Variants in ONECUT3 observed in about 807,000 individuals in gnomAD.
ONECUT3 encodes one cut homeobox 3, also known as one cut domain family member 3.
Under a neutral mutation model 16.8 loss-of-function variants are expected in ONECUT3, and 11 were observed. The observed-to-expected ratio is 0.66, with a 90% CI of 0.41 to 1.09. ONECUT3 has a LOEUF of 1.09. Among genes scored for constraint, ONECUT3 ranks in the 50% least tolerant of loss-of-function variants. The pLI is 0.00. For synonymous variants in ONECUT3, 344 were observed against 310.7 expected (o/e 1.11, Z -1.13); for missense variants, 637 against 629.9 (o/e 1.01, Z -0.12).
chr19:1,773,111 C>T lies in ONECUT3; in HGVS notation c.1193-2042C>T, dbSNP rs185119909. ...CCTCACTCTCTAATGGTCCCTTTTA[C>T]TTAACAGCATCCTGTACTTGTTTCA... On this transcript the variant is annotated intron_variant, in intron 1 of 1. Transcript: ENST00000382349. Among the ~76,000 whole-genome samples the T allele has an allele frequency of 1.6e-3, 248 of 152,168 alleles. 2 individuals carry two copies. The highest frequency in any genetic ancestry group is 4.8e-3 in the Admixed American group (73 of 15,278).
At chr19:1,773,727 T>G (rs1278897869) in intron 1 of ONECUT3, among the ~76,000 whole-genome samples, 2 of 152,144 alleles carry the variant, frequency 1.3e-5, no homozygotes, top group African/African-American at 4.8e-5. Flanking sequence ...ACAGTCCCAG[T>G]CTGGATGCAG....
In ONECUT3 at chr19:1,778,418, G is replaced by A. The variant is rs2068129453; in HGVS notation, c.*2973G>A. The A allele has an allele frequency of 6.6e-6, 1 of 152,154 alleles. No homozygotes were observed. The highest frequency in any genetic ancestry group is 1.5e-5 in the Non-Finnish European group (1 of 68,044). 9.4% of individuals were successfully genotyped at this position (152,154 alleles called of 1,614,324 possible). On this transcript the variant is annotated 3_prime_UTR_variant, in exon 2 of 2. Transcript: ENST00000382349. ...TTTAGTGGAGGAAGAGGCTCTCAAA[G>A]GCAATAAAATGCTTCTGATCCAAGA...
chr19:1,758,585 A>G lies in ONECUT3; in HGVS notation c.1192+3731A>G, dbSNP rs889958179. On this transcript the variant is annotated intron_variant, in intron 1 of 1. Transcript: ENST00000382349. This position sits in a 1 kb window ranked among gnomAD's most constrained non-coding sequence, Gnocchi z 5.9. ...TGGTGGGCCGAATTCTGGGTCTGAC[A>G]CTGTCAGATTCTGGACCCCGTCGTC... Among the ~76,000 whole-genome samples, 1 of 152,092 alleles carries G rather than the reference A, an allele frequency of 6.6e-6. No individual in the cohort carries two copies. Among genetic ancestry groups the G allele is most frequent in the African/African-American group, 2.4e-5 (1 of 41,412 alleles).
chr19:1,771,912 C>G (rs957590034), intron 1 of ONECUT3, among the ~76,000 whole-genome samples: 8 of 152,224 alleles, frequency 5.3e-5, no homozygotes, highest in African/African-American at 1.9e-4. Context: ...CTCTTGGGCT[C>G]AAGTGATCCT....
intron 1 of ONECUT3, among the ~76,000 whole-genome samples, chr19:1,771,063 C>G (rs2068049983): frequency 6.6e-6 from 1 of 152,222 alleles, no homozygotes; most frequent in African/African-American, 2.4e-5. Flanking sequence ...CTTTCCTGTA[C>G]AACTCTTTGG....
intron 1 of ONECUT3, among the ~76,000 whole-genome samples, chr19:1,757,217 A>C (rs1361760976): frequency 1.3e-5 from 2 of 151,932 alleles, no homozygotes; most frequent in East Asian, 3.9e-4. Flanking sequence ...CCTGCACCTG[A>C]CCCTGCACCC....
intron 1 of ONECUT3, among the ~76,000 whole-genome samples, chr19:1,770,416 G>T (rs534363952): frequency 6.6e-6 from 1 of 152,028 alleles, no homozygotes; most frequent in East Asian, 1.9e-4. Flanking sequence ...CAGCCTGGGC[G>T]ACACAGCAAG....
rs1600344529 is a variant in ONECUT3, at chr19:1,764,458, G to A, written c.1192+9604G>A. On this transcript the variant is annotated intron_variant, in intron 1 of 1. Transcript: ENST00000382349. This position sits in a 1 kb window ranked among gnomAD's most constrained non-coding sequence, Gnocchi z 5.0. ...TGGAGGGAGAGGGGTGGGGACAAGA[G>A]GGAGGCTGGGCGCCTGCTGAGGCCA... Among the ~76,000 whole-genome samples, 1 of 152,188 alleles carries A rather than the reference G, an allele frequency of 6.6e-6. No homozygotes were observed. Among genetic ancestry groups the A allele is most frequent in the African/African-American group, 2.4e-5 (1 of 41,444 alleles).
chr19:1,775,126 G>GGGCGCCCCCC, intron 1 of ONECUT3, 27 bp from the exon 2 acceptor site: 1 of 1,143,898 alleles, frequency 8.7e-7, no homozygotes, highest in Non-Finnish European at 1.2e-6. Context: ...TGTCCCGCTC[G>GGGCGCCCCCC]CCCGCCCGCC....
rs2067913539 is a variant in ONECUT3 at position 1,755,809 on chromosome 19, C to T, written c.1192+955C>T. Among the ~76,000 whole-genome samples the T allele has an allele frequency of 6.6e-6, 1 of 152,210 alleles. No individual in the cohort carries two copies. The highest frequency in any genetic ancestry group is 2.1e-4 in the South Asian group (1 of 4,826). On this transcript the variant is annotated intron_variant, in intron 1 of 1. Transcript: ENST00000382349. This position sits in a 1 kb window ranked among gnomAD's most constrained non-coding sequence, Gnocchi z 7.5. ...CTGGGGACCCTCCTCCCTCCTCCCT[C>T]CCAGCTGACAACAGCTAAGTCCACA... is the stretch of plus-strand genomic sequence containing the variant.
At position 1,762,643 on chromosome 19, in the gene ONECUT3, C is replaced by G. The variant is rs1028124200; in HGVS notation, c.1192+7789C>G. ...GCACGTGCCCCGGCGCCAGGAGACC[C>G]GGGACCCGGGACCACGCGCCCGCGG... On this transcript the variant is annotated intron_variant, in intron 1 of 1. Coordinates refer to ENST00000382349, the MANE Select transcript of ONECUT3 (RefSeq NM_001080488.2). The surrounding 1 kb of genome is among the most constrained non-coding windows in gnomAD (Gnocchi z 4.4). Among the ~76,000 whole-genome samples the G allele has an allele frequency of 7.9e-5, 12 of 152,258 alleles. No individual in the cohort carries two copies. Among genetic ancestry groups the G allele is most frequent in the African/African-American group, 1.9e-4 (8 of 41,466 alleles).
intron 1 of ONECUT3, among the ~76,000 whole-genome samples, chr19:1,768,161 ATTG>A (rs1208557393): frequency 6.6e-6 from 1 of 151,708 alleles, no homozygotes. Flanking sequence ...GAGCAGGTGA[ATTG>A]TTGTAAAAAG....
chr19:1,765,244 G>A (rs554339897), intron 1 of ONECUT3, among the ~76,000 whole-genome samples: 81 of 152,178 alleles, frequency 5.3e-4, no homozygotes, highest in Admixed American at 2.0e-3. Flanking sequence ...CATCCCTCCC[G>A]TCCTGGTGCC....
At chr19:1,770,479 A>G (rs777973939) in intron 1 of ONECUT3, among the ~76,000 whole-genome samples, 21 of 152,226 alleles carry the variant, frequency 1.4e-4, no homozygotes, top group Non-Finnish European at 1.8e-4. Flanking sequence ...GTGACCAGAT[A>G]CATATAAAGC....
intron 1 of ONECUT3, among the ~76,000 whole-genome samples, chr19:1,769,978 C>G (rs963103106): frequency 3.3e-5 from 5 of 152,150 alleles, no homozygotes; most frequent in Non-Finnish European, 5.9e-5. Context: ...CCTCCCTCCC[C>G]CATCTAGGCC....
chr19:1,779,097 C>G lies in ONECUT3; in HGVS notation c.*3652C>G, dbSNP rs967719920. On this transcript the variant is annotated 3_prime_UTR_variant, in exon 2 of 2. Transcript: ENST00000382349. ...ACACCTCCAGCACAATTCCTTCGAGCCTTTGACAATTTTCTCTGAAATACC... is the reference window on the plus strand; with the variant it reads ...ACACCTCCAGCACAATTCCTTCGAGGCTTTGACAATTTTCTCTGAAATACC... The G allele has an allele frequency of 6.6e-6, 1 of 152,068 alleles. No homozygotes were observed. Among genetic ancestry groups the G allele is most frequent in the Non-Finnish European group, 1.5e-5 (1 of 68,030 alleles). The allele number at this position is 152,068 out of a possible 1,614,324, so 9.4% of individuals were successfully genotyped here.
In ONECUT3 at chr19:1,764,051, C is replaced by T. The variant is rs1401126748; in HGVS notation, c.1192+9197C>T. 1.3e-5 allele frequency among the ~76,000 whole-genome samples: 2 copies of T among 152,174 alleles called. No individual in the cohort carries two copies. Among genetic ancestry groups the T allele is most frequent in the South Asian group, 2.1e-4 (1 of 4,810 alleles). On this transcript the variant is annotated intron_variant, in intron 1 of 1. Transcript: ENST00000382349. The surrounding 1 kb of genome is among the most constrained non-coding windows in gnomAD (Gnocchi z 5.0). ...CCTCCCCAGCCCCTTTCTGGGTGGC[C>T]GCTTCAGCCGCTTCTTATCACTGAT... is the stretch of plus-strand genomic sequence containing the variant.
chr19:1,767,936 G>C (rs1335525489), intron 1 of ONECUT3, among the ~76,000 whole-genome samples: 2 of 152,296 alleles, frequency 1.3e-5, no homozygotes, highest in Admixed American at 1.3e-4. Context: ...ACCAGCCCCA[G>C]ATCCTCCTCA....
Position 1,758,074 on chromosome 19 carries a change from C to A in ONECUT3, c.1192+3220C>A, listed in dbSNP as rs1045707424. The stretch of plus-strand genomic sequence containing the variant: ...CGCAGGTGCCGAGTGTCCTGCCGGG[C>A]GCCGGGGCCAGGACAGAGACGGGGA... On this transcript the variant is annotated intron_variant, in intron 1 of 1. Transcript: ENST00000382349. This position sits in a 1 kb window ranked among gnomAD's most constrained non-coding sequence, Gnocchi z 5.9. 6.6e-6 allele frequency among the ~76,000 whole-genome samples: 1 copy of A among 152,036 alleles called. No individual in the cohort carries two copies. The highest frequency in any genetic ancestry group is 1.5e-5 in the Non-Finnish European group (1 of 68,016).
Sources: gnomAD v4.1 joint callset for allele counts (sites outside exome capture counted in the v4.1 genomes callset) on GRCh38, gnomAD v4.1.1 for gene constraint, Gnocchi (gnomAD v3.1) non-coding constraint, MANE v1.5 for transcripts, NCBI Gene and HGNC (gene_info 2026-07-23, HGNC 2026-07-21) for gene names.